The following ARHGAP42 variants were observed in gnomAD, a reference collection of about 807,000 sequenced individuals.
The protein encoded by ARHGAP42 is rho GTPase-activating protein 42.
In ARHGAP42, 63 loss-of-function variants were observed where a neutral mutation model predicts 125.0. The ratio of observed to expected loss-of-function variants is 0.50; its 90% CI spans 0.41 to 0.62. The LOEUF is 0.62. Among genes scored for constraint, ARHGAP42 ranks in the 20% least tolerant of loss-of-function variants. The pLI is 0.00. For synonymous variants in ARHGAP42, 339 were observed against 351.0 expected, an observed-to-expected ratio of 0.97 and a Z score of 0.38; for missense variants, 766 against 1,024.2, an observed-to-expected ratio of 0.75 and a Z score of 3.44.
chr11:100,992,490 C>T lies in ARHGAP42; in HGVS notation c.*3689C>T, dbSNP rs1207539126. On this transcript the variant is annotated 3_prime_UTR_variant, in exon 24 of 24. Coordinates refer to ENST00000298815, the MANE Select transcript of ARHGAP42 (RefSeq NM_152432.4). ...TTTTTGTTACCTTCCAAAATCAAGACACTTTTAAGAAACAAAGATAGTTTT... is the reference window on the plus strand; with the variant it reads ...TTTTTGTTACCTTCCAAAATCAAGATACTTTTAAGAAACAAAGATAGTTTT... 2 of 1,613,972 alleles carry T rather than the reference C, an allele frequency of 1.2e-6. No individual in the cohort carries two copies. The highest frequency in any genetic ancestry group is 1.7e-5 in the Admixed American group (1 of 59,992).
chr11:100,993,027 A>C lies in ARHGAP42; in HGVS notation c.*4226A>C. On this transcript the variant is annotated 3_prime_UTR_variant, in exon 24 of 24. Coordinates refer to ENST00000298815, the MANE Select transcript of ARHGAP42 (RefSeq NM_152432.4). ...CCAGAGACCATTTTCATTTACTGCC[A>C]TCATAAATATTCTCCACCATTCAAG... The C allele has an allele frequency of 4.1e-6, 1 of 242,984 alleles. No homozygotes were observed. The highest frequency in any genetic ancestry group is 8.6e-6 in the Non-Finnish European group (1 of 116,108). The allele number at this position is 242,984 out of a possible 1,614,324, so 15.1% of individuals were successfully genotyped here.
chr11:100,819,856 C>G (rs1486908642), intron 3 of ARHGAP42, among the ~76,000 whole-genome samples: 1 of 152,106 alleles, frequency 6.6e-6, no homozygotes, highest in African/African-American at 2.4e-5. Flanking sequence ...ACTTGTTTTT[C>G]CTCCCTGATA....
intron 22 of ARHGAP42, among the ~76,000 whole-genome samples, chr11:100,980,055 G>T (rs1054758634): frequency 6.6e-6 from 1 of 152,002 alleles, no homozygotes; most frequent in African/African-American, 2.4e-5. Context: ...AACTCTCTTT[G>T]GTTTTGTTCA....
intron 1 of ARHGAP42, among the ~76,000 whole-genome samples, chr11:100,699,770 G>A (rs766194761): frequency 1.4e-4 from 21 of 151,740 alleles, no homozygotes; most frequent in African/African-American, 4.6e-4. Context: ...TGATCCACCC[G>A]CCTCGGACTC....
Position 100,880,972 on chromosome 11 carries a change from C to A in ARHGAP42, c.384+21347C>A, listed in dbSNP as rs568109424. ...TTTTTCTTGCTAATTTGTTTGACTT[C>A]ATTGTAGATTCTGGGCATTAGTCCT... On this transcript the variant is annotated intron_variant, in intron 4 of 23. Coordinates refer to ENST00000298815, the MANE Select transcript of ARHGAP42 (RefSeq NM_152432.4). 1.3e-4 allele frequency among the ~76,000 whole-genome samples: 20 copies of A among 151,976 alleles called. No individual in the cohort carries two copies. In the South Asian group the frequency reaches 1.5e-3, roughly 11 times the overall value.
chr11:100,834,141 T>A (rs1864727170), intron 3 of ARHGAP42, among the ~76,000 whole-genome samples: 1 of 152,162 alleles, frequency 6.6e-6, no homozygotes, highest in African/African-American at 2.4e-5. Context: ...TGAAATACAT[T>A]CTTAAGATGA....
At chr11:100,803,573 C>G (rs1399259538) in intron 3 of ARHGAP42, among the ~76,000 whole-genome samples, 1 of 152,206 alleles carries the variant, frequency 6.6e-6, no homozygotes, top group African/African-American at 2.4e-5. Flanking sequence ...AGCCCCGTTT[C>G]TTCACTTGCA....
intron 3 of ARHGAP42, among the ~76,000 whole-genome samples, chr11:100,800,232 T>C (rs2135041371): frequency 6.6e-6 from 1 of 152,110 alleles, no homozygotes; most frequent in South Asian, 2.1e-4. Context: ...AATATGAAAA[T>C]GGGTATTGGT....
intron 6 of ARHGAP42, among the ~76,000 whole-genome samples, chr11:100,928,418 A>C (rs1165048136): frequency 6.6e-6 from 1 of 152,076 alleles, no homozygotes; most frequent in Admixed American, 6.6e-5. Context: ...CAACATGGCA[A>C]AACCCCACCT....
rs116224604 is a variant in ARHGAP42, at chr11:100,803,026, A to G, written c.312+7860A>G. 3.9e-3 allele frequency among the ~76,000 whole-genome samples: 591 copies of G among 152,332 alleles called. 3 individuals carry two copies. The highest frequency in any genetic ancestry group is 0.027 in the Middle Eastern group (8 of 294). On this transcript the variant is annotated intron_variant, in intron 3 of 23. Transcript: ENST00000298815. ...AGCTTGCATTCTAAGGGGAAGAAACAAACATTAAACAAATTATGTCTGGTG... is the reference window on the plus strand; with the variant it reads ...AGCTTGCATTCTAAGGGGAAGAAACGAACATTAAACAAATTATGTCTGGTG...
chr11:100,750,827 A>G (rs879552491), intron 1 of ARHGAP42, among the ~76,000 whole-genome samples: 7 of 152,106 alleles, frequency 4.6e-5, no homozygotes, highest in Non-Finnish European at 7.3e-5. Context: ...ACATACTGAC[A>G]TATTGATTCT....
At chr11:100,958,317 T>G (rs1857860376) in intron 12 of ARHGAP42, among the ~76,000 whole-genome samples, 1 of 152,092 alleles carries the variant, frequency 6.6e-6, no homozygotes. Flanking sequence ...GGTAGGTCAT[T>G]AGCTGCACTC....
At chr11:100,803,395 C>A (rs190420014) in intron 3 of ARHGAP42, among the ~76,000 whole-genome samples, 1 of 152,176 alleles carries the variant, frequency 6.6e-6, no homozygotes, top group African/African-American at 2.4e-5. Context: ...ATCACCCAGG[C>A]TAAGAGTATG....
At chr11:100,707,121 T>C (rs188210698) in intron 1 of ARHGAP42, among the ~76,000 whole-genome samples, 2 of 152,240 alleles carry the variant, frequency 1.3e-5, no homozygotes, top group Non-Finnish European at 2.9e-5. Context: ...GATATATGAA[T>C]GCACCAAATT....
intron 1 of ARHGAP42, among the ~76,000 whole-genome samples, chr11:100,745,412 A>G (rs552888633): frequency 6.6e-6 from 1 of 152,174 alleles, no homozygotes; most frequent in East Asian, 1.9e-4. Context: ...TGCCGTTTTT[A>G]TGAGCCTCTG....
At chr11:100,763,908 A>G (rs1862768117) in intron 1 of ARHGAP42, among the ~76,000 whole-genome samples, 1 of 152,080 alleles carries the variant, frequency 6.6e-6, no homozygotes, top group Admixed American at 6.5e-5. Context: ...AAGTCTTGCT[A>G]TTTTAAAATT....
At chr11:100,699,357 T>A (rs1406347537) in intron 1 of ARHGAP42, among the ~76,000 whole-genome samples, 2 of 151,468 alleles carry the variant, frequency 1.3e-5, no homozygotes, top group Non-Finnish European at 2.9e-5. Context: ...ATCCATTTTG[T>A]TAGCCCTGCA....
chr11:100,697,437 C>T (rs937460217), intron 1 of ARHGAP42, among the ~76,000 whole-genome samples: 2 of 152,206 alleles, frequency 1.3e-5, no homozygotes, highest in African/African-American at 4.8e-5. Flanking sequence ...CCGCCTCGGC[C>T]TCCCAAAGTG....
chr11:100,712,243 C>A (rs1292987367), intron 1 of ARHGAP42, among the ~76,000 whole-genome samples: 1 of 152,116 alleles, frequency 6.6e-6, no homozygotes, highest in African/African-American at 2.4e-5. Flanking sequence ...GGGAACTGTG[C>A]TTTTAACCTG....
Sources: allele counts gnomAD v4.1 joint callset (sites outside exome capture counted in the v4.1 genomes callset), GRCh38; gene constraint gnomAD v4.1.1; transcripts MANE v1.5; gene names NCBI Gene and HGNC (gene_info 2026-07-23, HGNC 2026-07-21).